Variants in DGAT2L6 observed in about 807,000 individuals in gnomAD.
DGAT2L6 encodes diacylglycerol O-acyltransferase 2-like protein 6.
Under a neutral mutation model 25.5 loss-of-function variants are expected in DGAT2L6, and 22 were observed. The observed-to-expected ratio is 0.86, with a 90% CI of 0.62 to 1.23. The LOEUF (loss-of-function observed/expected upper bound fraction) is 1.23. DGAT2L6 is among the 50% of genes most tolerant of loss of function. The pLI, the probability that DGAT2L6 is intolerant of heterozygous loss-of-function variation, is 0.00. For synonymous variants in DGAT2L6, 100 were observed against 94.7 expected, an observed-to-expected ratio of 1.06 and a Z score of -0.32; for missense variants, 287 against 253.2, an observed-to-expected ratio of 1.13 and a Z score of -0.91.
At chrX:70,197,024 T>C (rs1392910936) in intron 1 of DGAT2L6, among the ~76,000 whole-genome samples, 4 of 110,296 alleles carry the variant, frequency 3.6e-5, no homozygotes, top group African/African-American at 1.3e-4. Flanking sequence ...TATATTAGAA[T>C]GGCTTGGCCA....
intron 1 of DGAT2L6, among the ~76,000 whole-genome samples, chrX:70,190,100 C>A (rs1342810197): frequency 8.9e-6 from 1 of 111,897 alleles, no homozygotes. Context: ...TATATTGATC[C>A]ACAGAACAGA....
At chrX:70,193,209 T>C (rs945298143) in intron 1 of DGAT2L6, among the ~76,000 whole-genome samples, 11 of 108,681 alleles carry the variant, frequency 1.0e-4, no homozygotes, top group Non-Finnish European at 1.9e-4. Flanking sequence ...TCCCAGCTAC[T>C]CGGGAGGCTG....
intron 1 of DGAT2L6, among the ~76,000 whole-genome samples, chrX:70,184,458 TTTTC>T (rs1485177234): frequency 1.8e-5 from 2 of 108,628 alleles, no homozygotes; most frequent in Admixed American, 2.0e-4. Context: ...CTTTTTCTTA[TTTTC>T]TTTCTTTTTT....
chrX:70,205,069 A>G lies in DGAT2L6; in HGVS notation c.977A>G (p.Tyr326Cys), dbSNP rs1213216275. 8.3e-7 allele frequency: 1 copy of G among 1,203,905 alleles called. No homozygotes were observed. Among genetic ancestry groups the G allele is most frequent in the Admixed American group, 2.2e-5 (1 of 45,173 alleles). ...RKLFDQHKVE[Y>C]GLPETQELTI... Reference sequence around the variant, plus strand: ...CTCTTTGACCAACACAAAGTTGAATATGGCCTCCCTGAGACCCAAGAGCTG... The same window carrying G: ...CTCTTTGACCAACACAAAGTTGAATGTGGCCTCCCTGAGACCCAAGAGCTG... The change falls in exon 7 of 7, where the codon TAT (tyrosine) becomes TGT (cysteine). Residue 326 changes from tyrosine (Y) to cysteine (C), a missense_variant. Transcript: ENST00000333026.
chrX:70,177,533 T>C lies in DGAT2L6; in HGVS notation c.-50T>C. The C allele has an allele frequency of 9.0e-7, 1 of 1,111,985 alleles. No homozygotes were observed. The highest frequency in any genetic ancestry group is 1.2e-6 in the Non-Finnish European group (1 of 809,834). 91.6% of individuals were successfully genotyped at this position (1,111,985 alleles called of 1,213,427 possible). ...TCTATAATCAACTCAGCTTAAGAAG[T>C]TTTGACCTTCTGGTTAGGCTTCTTG... On this transcript the variant is annotated 5_prime_UTR_variant, in exon 1 of 7. Coordinates refer to ENST00000333026, the MANE Select transcript of DGAT2L6 (RefSeq NM_198512.3).
In DGAT2L6 at chrX:70,197,391, G is replaced by A. The variant is rs189390663; in HGVS notation, c.86-1880G>A. On this transcript the variant is annotated intron_variant, in intron 1 of 6. Transcript: ENST00000333026. ...AAAAAACGTTCCTCGTCTCCTGCCGGGTCATATCTGCAGTTCCAATAGGTT... is the reference window on the plus strand; with the variant it reads ...AAAAAACGTTCCTCGTCTCCTGCCGAGTCATATCTGCAGTTCCAATAGGTT... Among the ~76,000 whole-genome samples, 160 of 111,747 alleles carry A rather than the reference G, an allele frequency of 1.4e-3. 1 individual carries two copies. The highest frequency in any genetic ancestry group is 0.013 in the Admixed American group (134 of 10,505).
At chrX:70,201,794 C>T (rs1314831444) in intron 4 of DGAT2L6, 96 bp from the exon 5 acceptor site, 1 of 967,572 alleles carries the variant, frequency 1.0e-6, no homozygotes, top group Non-Finnish European at 1.4e-6. Context: ...AGTCAGAAAA[C>T]AGAAGAACTG....
intron 5 of DGAT2L6, among the ~76,000 whole-genome samples, chrX:70,203,802 CA>C (rs1330605175): frequency 2.7e-5 from 3 of 110,615 alleles, no homozygotes; most frequent in African/African-American, 9.9e-5. Context: ...CACATAAAGA[CA>C]GAGGGAAGAA....
rs1200720748 is a variant in DGAT2L6 at position 70,190,114 on chromosome X, G to C, written c.86-9157G>C. On this transcript the variant is annotated intron_variant, in intron 1 of 6. Coordinates refer to ENST00000333026, the MANE Select transcript of DGAT2L6 (RefSeq NM_198512.3). ...ATATATTGATCCACAGAACAGAAAA[G>C]AGTCAAGAAATAAACACATGAATAT... Among the ~76,000 whole-genome samples the C allele has an allele frequency of 3.6e-5, 4 of 112,174 alleles. No individual in the cohort carries two copies. In the Admixed American group the frequency reaches 3.8e-4, roughly 11 times the overall value.
At position 70,199,399 on chromosome X, in the gene DGAT2L6, A is replaced by G. The variant is rs1427056035; in HGVS notation, c.196+18A>G. ...CAGTCAAGGTAAGAGACAGGGGCAC[A>G]ATGGTGGTCCTGTTTGGGCCAAGAA... On this transcript the variant is annotated intron_variant, in intron 2 of 6. Coordinates refer to ENST00000333026, the MANE Select transcript of DGAT2L6 (RefSeq NM_198512.3). 1 of 1,033,731 alleles carries G rather than the reference A, an allele frequency of 9.7e-7. No homozygotes were observed. The highest frequency in any genetic ancestry group is 1.3e-6 in the Non-Finnish European group (1 of 770,091). The allele number at this position is 1,033,731 out of a possible 1,213,427, so 85.2% of individuals were successfully genotyped here.
intron 1 of DGAT2L6, among the ~76,000 whole-genome samples, chrX:70,185,989 A>T (rs748370719): frequency 9.0e-6 from 1 of 110,645 alleles, no homozygotes; most frequent in Non-Finnish European, 1.9e-5. Context: ...TAATGTTTTC[A>T]CCCATAAGAA....
intron 1 of DGAT2L6, among the ~76,000 whole-genome samples, chrX:70,193,237 G>C (rs1253651636): frequency 9.2e-6 from 1 of 108,254 alleles, no homozygotes; most frequent in Non-Finnish European, 1.9e-5. Context: ...AGAATTGCTT[G>C]AACCAGGGAG....
intron 1 of DGAT2L6, among the ~76,000 whole-genome samples, chrX:70,185,597 G>C (rs1452623013): frequency 1.8e-5 from 2 of 111,461 alleles, no homozygotes; most frequent in Non-Finnish European, 3.8e-5. Context: ...CACAACAAAT[G>C]GTCAATACAT....
Position 70,180,501 on chromosome X carries a change from AT to A in DGAT2L6, c.85+2842del, listed in dbSNP as rs778987460. Among the ~76,000 whole-genome samples the A allele has an allele frequency of 1.3e-3, 139 of 111,150 alleles. 1 individual carries two copies. The highest frequency in any genetic ancestry group is 4.1e-3 in the African/African-American group (125 of 30,652). The stretch of plus-strand genomic sequence containing the variant: ...AAAATAAAAATAAAGAATAAACGGG[AT>A]TTTTTTTCACCTTCATTTTTAAAAG... On this transcript the variant is annotated intron_variant, in intron 1 of 6. Coordinates refer to ENST00000333026, the MANE Select transcript of DGAT2L6 (RefSeq NM_198512.3).
chrX:70,182,311 A>G (rs1386037614), intron 1 of DGAT2L6, among the ~76,000 whole-genome samples: 1 of 109,768 alleles, frequency 9.1e-6, no homozygotes, highest in African/African-American at 3.3e-5. Flanking sequence ...TCTGAGAGCC[A>G]GCTTTCATTC....
chrX:70,182,810 T>C (rs2085347802), intron 1 of DGAT2L6, among the ~76,000 whole-genome samples: 1 of 111,695 alleles, frequency 9.0e-6, no homozygotes, highest in East Asian at 2.8e-4. Context: ...CCCGCCACGA[T>C]GCCCGGCTAA....
In DGAT2L6 at chrX:70,177,641, A is replaced by G. The variant is rs766503740; in HGVS notation, c.59A>G (p.Gln20Arg). The G allele has an allele frequency of 2.5e-6, 3 of 1,209,424 alleles. No individual in the cohort carries two copies. The highest frequency in any genetic ancestry group is 5.9e-5 in the East Asian group (2 of 33,732). The change falls in exon 1 of 7, where the codon CAA (glutamine) becomes CGA (arginine). Residue 20 changes from glutamine to arginine, a missense_variant. Gln to Arg is a conservative substitution (Grantham distance 43). Transcript: ENST00000333026. ...QEGLQTFFVL[Q>R]WIPVYIFLGA... The stretch of plus-strand genomic sequence containing the variant: ...GGCCTCCAAACCTTCTTTGTTTTGC[A>G]ATGGATCCCAGTCTATATATTTTTA...
chrX:70,201,794 C>G, intron 4 of DGAT2L6, 96 bp from the exon 5 acceptor site: 1 of 969,666 alleles, frequency 1.0e-6, no homozygotes, highest in African/African-American at 2.0e-5. Flanking sequence ...AGTCAGAAAA[C>G]AGAAGAACTG....
At chrX:70,193,559 G>A (rs1384598525) in intron 1 of DGAT2L6, among the ~76,000 whole-genome samples, 1 of 111,990 alleles carries the variant, frequency 8.9e-6, no homozygotes, top group Non-Finnish European at 1.9e-5. Flanking sequence ...CCACGATCAA[G>A]TGGGATTTAT....
Sources: allele counts gnomAD v4.1 joint callset (sites outside exome capture counted in the v4.1 genomes callset), GRCh38; gene constraint gnomAD v4.1.1; transcripts MANE v1.5; gene names NCBI Gene and HGNC (gene_info 2026-07-23, HGNC 2026-07-21).